The following PCMTD1 variants were observed in gnomAD, a reference collection of about 807,000 sequenced individuals.
The protein encoded by PCMTD1 is protein-L-isoaspartate (D-aspartate) O-methyltransferase domain containing 1.
In PCMTD1, 12 loss-of-function variants were observed where a neutral mutation model predicts 37.6. The ratio of observed to expected loss-of-function variants is 0.32; its 90% CI spans 0.20 to 0.52. PCMTD1 has a LOEUF of 0.52. Ranked by LOEUF, PCMTD1 falls within the 20% of genes least tolerant of loss-of-function variation. The probability of loss-of-function intolerance (pLI) is 0.97; values close to 1 mark genes in which losing one functional copy is unlikely to be tolerated. For synonymous variants in PCMTD1, 117 were observed against 135.8 expected (o/e 0.86, Z 0.96); for missense variants, 235 against 421.3 (o/e 0.56, Z 3.87).
intron 2 of PCMTD1, among the ~76,000 whole-genome samples, chr8:51,854,878 CAA>C (rs1264955870): frequency 2.7e-4 from 30 of 112,836 alleles, no homozygotes; most frequent in Non-Finnish European, 3.2e-4. Context: ...AGACTTGTCT[CAA>C]AAAAAAAAAA....
chr8:51,820,467 G>A lies in PCMTD1; in HGVS notation c.958C>T (p.His320Tyr), dbSNP rs769943059. The change falls in exon 6 of 6, where the codon CAC becomes TAC. Residue 320 changes from histidine (H) to tyrosine (Y), a missense_variant. By Grantham distance (83) the His-to-Tyr change is moderately conservative. This residue lies in a region of PCMTD1 where 41 missense variants were observed against 36.4 expected (regional missense o/e 1.13). Coordinates refer to ENST00000522514, the MANE Select transcript of PCMTD1 (RefSeq NM_052937.4). ...EDNKEEEEKD[H>Y]NEAMKPEEPP... ...TCCTCTGGCTTCATTGCTTCATTGTGATCTTTTTCCTCCTCTTCTTTGTTA... is the reference window on the plus strand; with the variant it reads ...TCCTCTGGCTTCATTGCTTCATTGTAATCTTTTTCCTCCTCTTCTTTGTTA... The A allele has an allele frequency of 6.2e-7, 1 of 1,613,834 alleles. No individual in the cohort carries two copies. Among genetic ancestry groups the A allele is most frequent in the Non-Finnish European group, 8.5e-7 (1 of 1,179,894 alleles).
chr8:51,839,387 A>T (rs1465082717), intron 3 of PCMTD1: 1 of 877,330 alleles, frequency 1.1e-6, no homozygotes, highest in Non-Finnish European at 1.4e-6. Context: ...GAGCACACAG[A>T]TATCTCGGTT....
chr8:51,839,250 T>A (rs1487715377), intron 3 of PCMTD1, among the ~76,000 whole-genome samples: 1 of 152,208 alleles, frequency 6.6e-6, no homozygotes, highest in African/African-American at 2.4e-5. Context: ...TCTAAGCTTA[T>A]AATCATTTAT....
chr8:51,820,084 A>C lies in PCMTD1; in HGVS notation c.*267T>G, dbSNP rs1227106967. On this transcript the variant is annotated 3_prime_UTR_variant, in exon 6 of 6. Coordinates refer to ENST00000522514, the MANE Select transcript of PCMTD1 (RefSeq NM_052937.4). ...GGAATCAGAAAAGGATTTATAGTACACAAGTCTTGACTACTGTTGCATTCC... is the reference window on the plus strand; with the variant it reads ...GGAATCAGAAAAGGATTTATAGTACCCAAGTCTTGACTACTGTTGCATTCC... 1 of 250,072 alleles carries C rather than the reference A, an allele frequency of 4.0e-6. No homozygotes were observed. Among genetic ancestry groups the C allele is most frequent in the East Asian group, 8.7e-5 (1 of 11,442 alleles). The allele number at this position is 250,072 out of a possible 1,614,324, so 15.5% of individuals were successfully genotyped here.
intron 1 of PCMTD1, among the ~76,000 whole-genome samples, chr8:51,878,177 C>G (rs1225904199): frequency 6.6e-6 from 1 of 151,954 alleles, no homozygotes; most frequent in East Asian, 1.9e-4. Flanking sequence ...TCACATGCAG[C>G]CCAGGATGGC....
intron 1 of PCMTD1, among the ~76,000 whole-genome samples, chr8:51,875,530 A>C (rs1267356354): frequency 6.6e-6 from 1 of 152,224 alleles, no homozygotes; most frequent in East Asian, 1.9e-4. Context: ...TGTAGAATGA[A>C]TATTAGTATA....
intron 3 of PCMTD1, among the ~76,000 whole-genome samples, chr8:51,843,811 TCTTC>T (rs1412162021): frequency 1.3e-5 from 2 of 152,008 alleles, no homozygotes; most frequent in Non-Finnish European, 2.9e-5. Context: ...GATTCAAGAG[TCTTC>T]CTTGAGTCTG....
chr8:51,842,548 C>T (rs2038162635), intron 3 of PCMTD1, among the ~76,000 whole-genome samples: 1 of 150,610 alleles, frequency 6.6e-6, no homozygotes, highest in African/African-American at 2.4e-5. Context: ...TGGTCTCAAA[C>T]TCCTGGACTC....
intron 3 of PCMTD1, among the ~76,000 whole-genome samples, chr8:51,837,671 T>C (rs2038087344): frequency 6.6e-6 from 1 of 152,206 alleles, no homozygotes; most frequent in Non-Finnish European, 1.5e-5. Context: ...ATGGATTAAC[T>C]TTCCAATAAA....
At chr8:51,828,627 G>T (rs1415096585) in intron 5 of PCMTD1, among the ~76,000 whole-genome samples, 6 of 152,190 alleles carry the variant, frequency 3.9e-5, no homozygotes, top group Non-Finnish European at 7.3e-5. Context: ...ACCATCTGCT[G>T]TGTTGCCAGC....
chr8:51,853,526 T>C (rs2038339346), intron 2 of PCMTD1, among the ~76,000 whole-genome samples: 1 of 152,224 alleles, frequency 6.6e-6, no homozygotes, highest in Non-Finnish European at 1.5e-5. Context: ...CATTATTTAC[T>C]GTATAATAGT....
intron 1 of PCMTD1, among the ~76,000 whole-genome samples, chr8:51,874,273 T>C (rs11777714): frequency 0.12 from 17,872 of 152,164 alleles, 1,286 homozygotes; most frequent in East Asian, 0.16. Flanking sequence ...CCAAACTGAG[T>C]AACCAAAATG....
chr8:51,835,057 T>C (rs1436361420), intron 3 of PCMTD1, among the ~76,000 whole-genome samples: 1 of 152,186 alleles, frequency 6.6e-6, no homozygotes, highest in Non-Finnish European at 1.5e-5. Context: ...GGGGGAATCT[T>C]TATGAGTCTA....
intron 3 of PCMTD1, among the ~76,000 whole-genome samples, chr8:51,837,596 A>T (rs1026732481): frequency 2.0e-5 from 3 of 152,110 alleles, no homozygotes; most frequent in Non-Finnish European, 2.9e-5. Flanking sequence ...GGAACTTCAC[A>T]ATCAGTTAAA....
chr8:51,850,108 T>C (rs1204175563), intron 2 of PCMTD1: 15 of 702,250 alleles, frequency 2.1e-5, no homozygotes, highest in Admixed American at 1.4e-4. Flanking sequence ...AGAAAGATAG[T>C]AGATTAAAGG....
chr8:51,824,098 T>C (rs1463207325), intron 5 of PCMTD1, among the ~76,000 whole-genome samples: 1 of 152,168 alleles, frequency 6.6e-6, no homozygotes, highest in African/African-American at 2.4e-5. Context: ...TCATACTGAA[T>C]GGGCAAAAAC....
intron 1 of PCMTD1, among the ~76,000 whole-genome samples, chr8:51,889,760 G>A (rs1255024982): frequency 6.6e-6 from 1 of 152,156 alleles, no homozygotes; most frequent in Non-Finnish European, 1.5e-5. Flanking sequence ...CCCACATAAA[G>A]TGTCAGTTTT....
rs2129270949 is a variant in PCMTD1 at position 51,818,613 on chromosome 8, G to A, written c.*1738C>T. 6.6e-6 allele frequency: 1 copy of A among 152,454 alleles called. No individual in the cohort carries two copies. Among genetic ancestry groups the A allele is most frequent in the Non-Finnish European group, 1.5e-5 (1 of 68,078 alleles). 9.4% of individuals were successfully genotyped at this position (152,454 alleles called of 1,614,324 possible). ...TTTCCTAGATACAAAAATGATATGG[G>A]GCATTTCTTAACAGTTTAGTAATCG... is the stretch of plus-strand genomic sequence containing the variant. On this transcript the variant is annotated 3_prime_UTR_variant, in exon 6 of 6. Transcript: ENST00000522514.
intron 1 of PCMTD1, among the ~76,000 whole-genome samples, chr8:51,897,715 G>A (rs1003937285): frequency 6.6e-6 from 1 of 152,218 alleles, no homozygotes; most frequent in East Asian, 1.9e-4. Context: ...CCTTTTCAAA[G>A]CTACTGATTA....
Sources: gnomAD v4.1 joint callset for allele counts (sites outside exome capture counted in the v4.1 genomes callset) on GRCh38, gnomAD v4.1.1 for gene constraint, gnomAD v4.1.1 regional missense constraint, MANE v1.5 for transcripts, NCBI Gene and HGNC (gene_info 2026-07-23, HGNC 2026-07-21) for gene names.